The following FBRSL1 variants were observed in gnomAD, a reference collection of about 807,000 sequenced individuals.
FBRSL1 encodes the protein fibrosin-1-like protein.
FBRSL1 carries 51 observed loss-of-function variants against 89.6 expected under a neutral mutation model. The observed-to-expected ratio is 0.57, with a 90% CI of 0.45 to 0.72. FBRSL1 has a LOEUF of 0.72. FBRSL1 is among the 30% of genes least tolerant of loss of function. FBRSL1 has a pLI of 0.00. For synonymous variants in FBRSL1, 779 were observed against 681.1 expected (o/e 1.14, Z -2.24); for missense variants, 1,618 against 1,451.8 (o/e 1.11, Z -1.86).
chr12:132,572,109 T>G, intron 9 of FBRSL1, 179 bp from the exon 10 acceptor site: 1 of 605,422 alleles, frequency 1.7e-6, no homozygotes, highest in South Asian at 2.0e-5. Context: ...GGTCTGAGAC[T>G]GAGTTCAGAG....
chr12:132,514,971 T>A (rs1248647146), intron 2 of FBRSL1, among the ~76,000 whole-genome samples: 1 of 152,182 alleles, frequency 6.6e-6, no homozygotes, highest in Non-Finnish European at 1.5e-5. Flanking sequence ...TGTTTTACAT[T>A]TACAACACTT....
At chr12:132,563,971 G>A (rs1466963718) in intron 5 of FBRSL1, among the ~76,000 whole-genome samples, 2 of 112,040 alleles carry the variant, frequency 1.8e-5, no homozygotes, top group Non-Finnish European at 3.8e-5. Context: ...CCGTCGCCCC[G>A]AACCCCTGAG....
chr12:132,541,504 C>T (rs1402718274), intron 4 of FBRSL1, among the ~76,000 whole-genome samples: 2 of 152,204 alleles, frequency 1.3e-5, no homozygotes, highest in South Asian at 2.1e-4. Flanking sequence ...CTGGCGGTGC[C>T]CCCCCAGGCA....
intron 15 of FBRSL1, chr12:132,581,006 G>C: frequency 1.0e-6 from 1 of 985,484 alleles, no homozygotes; most frequent in Non-Finnish European, 1.2e-6. Flanking sequence ...CTCCAAGACA[G>C]AACCGTGTCC....
chr12:132,519,068 G>T (rs1433508989), intron 2 of FBRSL1, among the ~76,000 whole-genome samples: 1 of 152,246 alleles, frequency 6.6e-6, no homozygotes, highest in Non-Finnish European at 1.5e-5. Context: ...GCACTGGGCG[G>T]GCAGTACCCT....
rs1337145672 is a variant in FBRSL1 at position 132,581,495 on chromosome 12, C to T, written c.1891C>T (p.Leu631=). 5 of 1,551,012 alleles carry T rather than the reference C, an allele frequency of 3.2e-6. No individual in the cohort carries two copies. The Admixed American group carries it at 9.8e-5, about 30-fold the overall frequency. The change falls in exon 16 of 19, where the codon CTG becomes TTG. Residue 631 remains leucine, a synonymous_variant. Coordinates refer to ENST00000680143, the MANE Select transcript of FBRSL1 (RefSeq NM_001367871.1). ...FGPSAHPGSF[L]PTGPLTDPFS... ...ACCCTCAGCCCATCCTGGCAGCTTC[C>T]TGCCCACTGGCCCCCTGACAGGTGG...
Position 132,582,233 on chromosome 12 carries a change from G to C in FBRSL1, c.2168G>C (p.Arg723Pro). 6.5e-7 allele frequency: 1 copy of C among 1,550,184 alleles called. No individual in the cohort carries two copies. Among genetic ancestry groups the C allele is most frequent in the Non-Finnish European group, 8.7e-7 (1 of 1,146,840 alleles). Residue 723 changes from arginine (R) to proline (P), a missense_variant, in exon 18 of 19, where the codon CGA (arginine) becomes CCA (proline). Arg to Pro is a moderately radical substitution (Grantham distance 103). Coordinates refer to ENST00000680143, the MANE Select transcript of FBRSL1 (RefSeq NM_001367871.1). ...GTGTCAGCCCTGACCAACCATGACC[G>C]AGAGCCGGACAATGGCAAGGAGGAG... Reference protein sequence around the residue: ...ERVSALTNHDREPDNGKEEQE... With the variant: ...ERVSALTNHDPEPDNGKEEQE...
At chr12:132,572,644 G>A (rs1420776715) in intron 11 of FBRSL1, 22 bp downstream of exon 11, 8 of 1,521,774 alleles carry the variant, frequency 5.3e-6, no homozygotes, top group Non-Finnish European at 6.2e-6. Flanking sequence ...CCTGGCAGGT[G>A]GGGCGGGCAC....
chr12:132,581,574 CGGG>C, intron 16 of FBRSL1, 58 bp downstream of exon 16: 1 of 1,537,474 alleles, frequency 6.5e-7, no homozygotes, highest in East Asian at 2.4e-5. Context: ...AGCCTTGTGG[CGGG>C]GGAATTAGGT....
rs1345100133 is a variant in FBRSL1 at position 132,499,505 on chromosome 12, G to A, written c.291+8644G>A. The stretch of plus-strand genomic sequence containing the variant: ...AGGCCCCATTGCCAGTGAGTATTGG[G>A]ATGGCAGTAAAGAGTCTGTCGTCGA... On this transcript the variant is annotated intron_variant, in intron 1 of 18. Transcript: ENST00000680143. This position sits in a 1 kb window ranked among gnomAD's most constrained non-coding sequence, Gnocchi z 4.3. 6.6e-6 allele frequency among the ~76,000 whole-genome samples: 1 copy of A among 152,246 alleles called. No individual in the cohort carries two copies. Among genetic ancestry groups the A allele is most frequent in the Non-Finnish European group, 1.5e-5 (1 of 68,046 alleles).
At chr12:132,509,726 G>A (rs2034110820) in intron 2 of FBRSL1, 1 of 1,231,270 alleles carries the variant, frequency 8.1e-7, no homozygotes, top group Admixed American at 4.2e-5. Context: ...GCCGACCCCT[G>A]CGGCCGTGGG....
At chr12:132,538,319 C>T (rs1229911927) in intron 4 of FBRSL1, among the ~76,000 whole-genome samples, 1 of 152,232 alleles carries the variant, frequency 6.6e-6, no homozygotes, top group Non-Finnish European at 1.5e-5. Context: ...ATCGGGAGAT[C>T]CTGGGGCCAG....
intron 2 of FBRSL1, among the ~76,000 whole-genome samples, chr12:132,519,057 C>T (rs1297955687): frequency 2.6e-5 from 4 of 152,392 alleles, no homozygotes; most frequent in South Asian, 4.1e-4. Context: ...TGGAGTGTCC[C>T]GCACTGGGCG....
At chr12:132,571,347 G>T in intron 9 of FBRSL1, 116 bp downstream of exon 9, 1 of 1,550,184 alleles carries the variant, frequency 6.5e-7, no homozygotes. Flanking sequence ...CGCGGTTTCT[G>T]GTGCAGAGCG....
At chr12:132,530,169 TTTG>T (rs2036145017) in intron 4 of FBRSL1, among the ~76,000 whole-genome samples, 2 of 151,622 alleles carry the variant, frequency 1.3e-5, no homozygotes, top group Middle Eastern at 3.4e-3. Context: ...TCATCATGAG[TTTG>T]ATGACACTCC....
chr12:132,511,847 G>A (rs2034377798), intron 2 of FBRSL1: 4 of 350,406 alleles, frequency 1.1e-5, no homozygotes, highest in African/African-American at 2.3e-5. Flanking sequence ...CCACCCACCC[G>A]GGCCCCTTCC....
chr12:132,525,109 A>T (rs2035680681), intron 2 of FBRSL1, among the ~76,000 whole-genome samples: 1 of 152,162 alleles, frequency 6.6e-6, no homozygotes, highest in Non-Finnish European at 1.5e-5. Context: ...TGCTCCCTTC[A>T]GCAGGTGATG....
chr12:132,491,140 A>T (rs2030852234), intron 1 of FBRSL1, among the ~76,000 whole-genome samples: 1 of 152,238 alleles, frequency 6.6e-6, no homozygotes, highest in Admixed American at 6.5e-5. Context: ...GCTGTCTGAC[A>T]GCACCGTCGG....
At chr12:132,571,996 G>T in intron 9 of FBRSL1, 1 of 506,474 alleles carries the variant, frequency 2.0e-6, no homozygotes, top group South Asian at 3.1e-5. Context: ...CGACCCAGCA[G>T]CCAGGGCTTC....
Sources: allele counts gnomAD v4.1 joint callset (sites outside exome capture counted in the v4.1 genomes callset), GRCh38; gene constraint gnomAD v4.1.1; non-coding constraint Gnocchi (gnomAD v3.1); transcripts MANE v1.5; gene names NCBI Gene and HGNC (gene_info 2026-07-23, HGNC 2026-07-21).